FH: variants seen among roughly 807,000 people sequenced by gnomAD.
The protein encoded by FH is fumarate hydratase, mitochondrial.
Under a neutral mutation model 49.4 loss-of-function variants are expected in FH, and 22 were observed. That is an observed-to-expected ratio of 0.45 (90% confidence interval 0.32 to 0.64). The LOEUF (loss-of-function observed/expected upper bound fraction) is 0.64, where lower values mean the gene tolerates loss of function less well. Among genes scored for constraint, FH ranks in the 30% least tolerant of loss-of-function variants. The pLI, the probability that FH is intolerant of heterozygous loss-of-function variation, is 0.05. For missense variants in FH, 526 were observed against 641.5 expected (o/e 0.82, Z 1.95); for synonymous variants, 208 against 223.0 (o/e 0.93, Z 0.60).
In FH at chr1:241,502,452, C is replaced by G. The variant is rs774493741; in HGVS notation, c.1227G>C (p.Lys409Asn). 1 of 1,614,062 alleles carries G rather than the reference C, an allele frequency of 6.2e-7. No homozygotes were observed. The highest frequency in any genetic ancestry group is 8.5e-7 in the Non-Finnish European group (1 of 1,179,960). The change falls in exon 8 of 10, where the codon AAG becomes AAC. Residue 409 changes from lysine to asparagine, a missense_variant. Physicochemically the swap from Lys to Asn is moderately conservative, Grantham distance 94. Transcript: ENST00000366560. ...CAGATTTAAAGCTTACCATCATTGG[C>G]TTGAAAACATTCAACTCAAAATGTC... ...SNGHFELNVF[K>N]PMMIKNVLHS...
rs1466082062 is a variant in FH at position 241,512,110 on chromosome 1, G to C, written c.412C>G (p.Leu138Val). ...CCTGATCCAGTCTGCCATACCACGA[G>C]AGGAAAATGATCATTTAATTTACCT... The part of the protein sequence containing the change: ...AEGKLNDHFP[L>V]VVWQTGSGTQ... The change falls in exon 4 of 10, where the codon CTC becomes GTC. Residue 138 changes from leucine to valine, a missense_variant. By Grantham distance (32) the Leu-to-Val change is conservative. Transcript: ENST00000366560. 8 of 1,613,682 alleles carry C rather than the reference G, an allele frequency of 5.0e-6. No individual in the cohort carries two copies. The highest frequency in any genetic ancestry group is 6.8e-6 in the Non-Finnish European group (8 of 1,179,850).
intron 2 of FH, among the ~76,000 whole-genome samples, chr1:241,515,720 C>G (rs777400730): frequency 2.0e-5 from 3 of 152,228 alleles, no homozygotes; most frequent in Non-Finnish European, 4.4e-5. Flanking sequence ...CCTGCATTGA[C>G]TATTTTTCAT....
intron 1 of FH, 122 bp downstream of exon 1, chr1:241,519,469 A>G: frequency 8.0e-7 from 1 of 1,247,284 alleles, no homozygotes; most frequent in Non-Finnish European, 1.1e-6. Context: ...CGCTAAGCCC[A>G]GAGTCTGGCG....
intron 2 of FH, 78 bp downstream of exon 2, chr1:241,517,104 A>G: frequency 6.4e-7 from 1 of 1,563,692 alleles, no homozygotes; most frequent in Non-Finnish European, 8.8e-7. Context: ...ACTCTGAAAA[A>G]TATTTATAAA....
At chr1:241,503,109 T>A (rs1280071511) in intron 7 of FH, among the ~76,000 whole-genome samples, 1 of 152,190 alleles carries the variant, frequency 6.6e-6, no homozygotes, top group Admixed American at 6.5e-5. Flanking sequence ...CAAGTTTGAA[T>A]CAAACAACCC....
intron 1 of FH, among the ~76,000 whole-genome samples, chr1:241,517,997 G>T (rs1478934522): frequency 6.6e-6 from 1 of 152,092 alleles, no homozygotes; most frequent in Non-Finnish European, 1.5e-5. Flanking sequence ...ATAAAACACT[G>T]CCTGTAAAAC....
rs1465574376 is a variant in FH, at chr1:241,513,627, A to C, written c.354T>G (p.Asn118Lys). Reference protein sequence around the residue: ...QDYGLDPKIANAIMKAADEVA... With the variant: ...QDYGLDPKIAKAIMKAADEVA... ...CCTCATCTGCTGCCTTCATTATTGCATTAGCAATCTTTGGATCAAGACCAT... is the reference window on the plus strand; with the variant it reads ...CCTCATCTGCTGCCTTCATTATTGCCTTAGCAATCTTTGGATCAAGACCAT... The change falls in exon 3 of 10, where the codon AAT (asparagine) becomes AAG (lysine). Residue 118 changes from asparagine to lysine, a missense_variant. Transcript: ENST00000366560. 6.2e-7 allele frequency: 1 copy of C among 1,614,008 alleles called. No individual in the cohort carries two copies. Among genetic ancestry groups the C allele is most frequent in the Non-Finnish European group, 8.5e-7 (1 of 1,179,876 alleles).
chr1:241,508,501 C>T (rs770564739), intron 5 of FH, 102 bp downstream of exon 5: 40 of 923,236 alleles, frequency 4.3e-5, no homozygotes, highest in Non-Finnish European at 5.9e-5. Context: ...CTGAAGTTTC[C>T]GGTTACAAAT....
At position 241,497,643 on chromosome 1, in the gene FH, T is replaced by C. The variant is rs201889849; in HGVS notation, c.*185A>G. ...CTTTTTATTTTATAAATGTATTTTA[T>C]TTTATACTTGTTTAATCCATCTTAG... On this transcript the variant is annotated 3_prime_UTR_variant, in exon 10 of 10. Coordinates refer to ENST00000366560, the MANE Select transcript of FH (RefSeq NM_000143.4). 4.2e-5 allele frequency: 22 copies of C among 520,276 alleles called. 1 individual carries two copies. The highest frequency in any genetic ancestry group is 2.4e-5 in the Non-Finnish European group (7 of 296,540). 32.2% of individuals were successfully genotyped at this position (520,276 alleles called of 1,614,324 possible).
intron 3 of FH, among the ~76,000 whole-genome samples, chr1:241,513,190 TTC>T (rs1249838852): frequency 6.6e-6 from 1 of 152,118 alleles, no homozygotes; most frequent in East Asian, 1.9e-4. Flanking sequence ...ATATATACAG[TTC>T]TGTTACCTCT....
intron 1 of FH, among the ~76,000 whole-genome samples, chr1:241,518,050 T>C (rs1481506362): frequency 1.3e-5 from 2 of 152,186 alleles, no homozygotes; most frequent in East Asian, 3.8e-4. Flanking sequence ...GCCTGGTAAG[T>C]GGAAGGCACT....
chr1:241,509,041 GTAT>G (rs917716834), intron 4 of FH, among the ~76,000 whole-genome samples: 4 of 148,566 alleles, frequency 2.7e-5, no homozygotes, highest in South Asian at 4.2e-4. Context: ...TATGTATTAC[GTAT>G]TATATTATAT....
chr1:241,516,588 T>C (rs574848061), intron 2 of FH, among the ~76,000 whole-genome samples: 2 of 152,282 alleles, frequency 1.3e-5, no homozygotes, highest in African/African-American at 4.8e-5. Flanking sequence ...CAAACCACCA[T>C]GGCACACATT....
chr1:241,509,207 T>C (rs1270678731), intron 4 of FH, among the ~76,000 whole-genome samples: 2 of 151,796 alleles, frequency 1.3e-5, no homozygotes, highest in Non-Finnish European at 2.9e-5. Context: ...CTTATAATTA[T>C]ATCAAATTAC....
At chr1:241,507,493 C>T (rs1334575349) in intron 5 of FH, among the ~76,000 whole-genome samples, 3 of 151,802 alleles carry the variant, frequency 2.0e-5, no homozygotes, top group African/African-American at 7.3e-5. Flanking sequence ...GAACAATGCA[C>T]GAACTCAAAA....
At chr1:241,513,791 A>T in intron 2 of FH, 78 bp from the exon 3 acceptor site, 1 of 1,094,766 alleles carries the variant, frequency 9.1e-7, no homozygotes, top group Non-Finnish European at 1.4e-6. Context: ...CAGATGCAAA[A>T]GCTATACATA....
intron 1 of FH, 86 bp downstream of exon 1, chr1:241,519,505 C>A (rs1009883779): frequency 6.8e-7 from 1 of 1,471,288 alleles, no homozygotes; most frequent in South Asian, 1.3e-5. Flanking sequence ...GGGAATCTCT[C>A]CCGCCAAGTC....
intron 4 of FH, 32 bp downstream of exon 4, chr1:241,511,935 T>C (rs201883329): frequency 7.8e-5 from 125 of 1,610,544 alleles, no homozygotes; most frequent in Non-Finnish European, 2.7e-5. Context: ...TTTCAATTTA[T>C]AACCAAAAAA....
intron 2 of FH, 146 bp downstream of exon 2, chr1:241,517,036 G>A (rs2147924997): frequency 1.1e-6 from 1 of 914,490 alleles, no homozygotes. Flanking sequence ...TAACATTTTA[G>A]TGAAAGAGAA....
Sources: gnomAD v4.1 joint callset for allele counts (sites outside exome capture counted in the v4.1 genomes callset) on GRCh38, gnomAD v4.1.1 for gene constraint, MANE v1.5 for transcripts, NCBI Gene and HGNC (gene_info 2026-07-23, HGNC 2026-07-21) for gene names.